ASAP2: variants seen among roughly 807,000 people sequenced by gnomAD.
The protein encoded by ASAP2 is arf-GAP with SH3 domain, ANK repeat and PH domain-containing protein 2.
ASAP2 carries 45 observed loss-of-function variants against 131.4 expected under a neutral mutation model. That is an observed-to-expected ratio of 0.34 (90% CI 0.27 to 0.44). ASAP2 has a LOEUF of 0.44. ASAP2 is among the 20% of genes least tolerant of loss of function. The pLI is 1.00. For missense variants in ASAP2, 1,011 were observed against 1,297.0 expected, an observed-to-expected ratio of 0.78 and a Z score of 3.39; for synonymous variants, 510 against 503.0, an observed-to-expected ratio of 1.01 and a Z score of -0.19.
At chr2:9,251,896 T>A (rs985589554) in intron 1 of ASAP2, among the ~76,000 whole-genome samples, 16 of 151,606 alleles carry the variant, frequency 1.1e-4, no homozygotes, top group Admixed American at 9.2e-4. Flanking sequence ...GCTTTAGGAA[T>A]GAGAAGCCTG....
In ASAP2 at chr2:9,297,460, G is replaced by T; in HGVS notation, c.345+15G>T. On this transcript the variant is annotated intron_variant, in intron 3 of 27. Transcript: ENST00000281419. ...TCAAAAACCTGGTAAGCAGCTCTGTGTATGAAATGCTGCGGTTACTTCAGT... is the reference window on the plus strand; with the variant it reads ...TCAAAAACCTGGTAAGCAGCTCTGTTTATGAAATGCTGCGGTTACTTCAGT... The T allele has an allele frequency of 6.2e-7, 1 of 1,613,636 alleles. No individual in the cohort carries two copies. Among genetic ancestry groups the T allele is most frequent in the Non-Finnish European group, 8.5e-7 (1 of 1,179,544 alleles).
At chr2:9,209,720 C>T (rs1661396886) in intron 1 of ASAP2, among the ~76,000 whole-genome samples, 1 of 152,190 alleles carries the variant, frequency 6.6e-6, no homozygotes, top group African/African-American at 2.4e-5. Context: ...CAGGCATGCG[C>T]CACCATGCAC....
At chr2:9,322,929 T>G (rs1248076523) in intron 5 of ASAP2, among the ~76,000 whole-genome samples, 192 bp from the exon 6 acceptor site, 1 of 151,732 alleles carries the variant, frequency 6.6e-6, no homozygotes, top group Non-Finnish European at 1.5e-5. Flanking sequence ...ACTTGTTGAG[T>G]AAGTGGGAAG....
In ASAP2 at chr2:9,357,176, T is replaced by TAA. The variant is rs563300721; in HGVS notation, c.1327+843_1327+844dup. Among the ~76,000 whole-genome samples, 73 of 142,242 alleles carry TAA rather than the reference T, an allele frequency of 5.1e-4. 1 individual carries two copies. Among genetic ancestry groups the TAA allele is most frequent in the Middle Eastern group, 3.5e-3 (1 of 284 alleles). 93.3% of individuals were successfully genotyped at this position (142,242 alleles called of 152,430 possible). ...AGACTGTATTTGGCCTTGGATCCATTAAAAAAAAAAAAAGAATACCGACTG... is the reference window on the plus strand; with the variant it reads ...AGACTGTATTTGGCCTTGGATCCATTAAAAAAAAAAAAAAAGAATACCGACTG... On this transcript the variant is annotated intron_variant, in intron 14 of 27. Transcript: ENST00000281419.
At chr2:9,290,029 G>A (rs1194190810) in intron 2 of ASAP2, among the ~76,000 whole-genome samples, 1 of 152,136 alleles carries the variant, frequency 6.6e-6, no homozygotes, top group Non-Finnish European at 1.5e-5. Flanking sequence ...CTGCACGGGA[G>A]CTCTCAGGGG....
chr2:9,347,679 C>T (rs568201804), intron 11 of ASAP2, among the ~76,000 whole-genome samples: 2 of 152,244 alleles, frequency 1.3e-5, no homozygotes, highest in East Asian at 3.9e-4. Context: ...CCTTCTTAGC[C>T]AAGTCTGTTT....
intron 18 of ASAP2, among the ~76,000 whole-genome samples, chr2:9,378,693 T>C (rs1296138802): frequency 1.3e-5 from 2 of 152,198 alleles, no homozygotes; most frequent in Admixed American, 1.3e-4. Flanking sequence ...ACAACAGGGA[T>C]GCCCCCCTCC....
intron 1 of ASAP2, among the ~76,000 whole-genome samples, chr2:9,210,938 T>C (rs1230393209): frequency 2.0e-5 from 3 of 151,898 alleles, no homozygotes; most frequent in African/African-American, 7.2e-5. Context: ...GGCAGATCAC[T>C]TGGGGTCAGG....
chr2:9,398,148 T>C (rs1386727045), intron 24 of ASAP2, among the ~76,000 whole-genome samples: 1 of 152,006 alleles, frequency 6.6e-6, no homozygotes, highest in Non-Finnish European at 1.5e-5. Flanking sequence ...CACCTGTTTT[T>C]TTATGTAGTC....
chr2:9,264,453 A>G (rs1665803618), intron 1 of ASAP2, among the ~76,000 whole-genome samples: 1 of 152,088 alleles, frequency 6.6e-6, no homozygotes, highest in South Asian at 2.1e-4. Flanking sequence ...ATGAGTCCCC[A>G]GCTCTGACGG....
chr2:9,382,457 C>T (rs1448228554), intron 20 of ASAP2, among the ~76,000 whole-genome samples: 4 of 152,158 alleles, frequency 2.6e-5, no homozygotes, highest in Non-Finnish European at 4.4e-5. Context: ...TAGTGTGTAA[C>T]GAATTAACTT....
chr2:9,313,770 C>A (rs972438042), intron 3 of ASAP2, among the ~76,000 whole-genome samples: 1 of 152,106 alleles, frequency 6.6e-6, no homozygotes, highest in African/African-American at 2.4e-5. Context: ...GGGACAGTTA[C>A]CCTTCCTTCT....
intron 1 of ASAP2, among the ~76,000 whole-genome samples, chr2:9,252,951 G>C (rs1419822183): frequency 6.6e-6 from 1 of 150,818 alleles, no homozygotes; most frequent in African/African-American, 2.4e-5. Flanking sequence ...AACACAAGCA[G>C]ATAGTGCGTG....
rs574123363 is a variant in ASAP2, at chr2:9,267,342, TATGTC to T, written c.127-11971_127-11967del. On this transcript the variant is annotated intron_variant, in intron 1 of 27. Transcript: ENST00000281419. ...CCCCAGTTTCTATTGTTTGTTTCTT[TATGTC>T]ATGAGTACTCAACATTTAGCTCCCA... is the stretch of plus-strand genomic sequence containing the variant. Among the ~76,000 whole-genome samples, 677 of 152,268 alleles carry T rather than the reference TATGTC, an allele frequency of 4.4e-3. 3 individuals carry two copies. Among genetic ancestry groups the T allele is most frequent in the Non-Finnish European group, 5.3e-3 (360 of 68,024 alleles).
Position 9,389,045 on chromosome 2 carries a change from G to C in ASAP2, c.2383+499G>C, listed in dbSNP as rs1225740805. ...AATTGTAAAATACAAAACCAGCCCT[G>C]TGGGCCTACCAGTGTCTTAGGGCAA... On this transcript the variant is annotated intron_variant, in intron 22 of 27. Coordinates refer to ENST00000281419, the MANE Select transcript of ASAP2 (RefSeq NM_003887.3). This position sits in a 1 kb window ranked among gnomAD's most constrained non-coding sequence, Gnocchi z 4.7. Among the ~76,000 whole-genome samples the C allele has an allele frequency of 6.6e-6, 1 of 152,228 alleles. No individual in the cohort carries two copies. The highest frequency in any genetic ancestry group is 1.5e-5 in the Non-Finnish European group (1 of 68,042).
At chr2:9,393,856 A>T (rs1675914979) in intron 24 of ASAP2, among the ~76,000 whole-genome samples, 1 of 152,258 alleles carries the variant, frequency 6.6e-6, no homozygotes, top group Non-Finnish European at 1.5e-5. Flanking sequence ...TTAAGTCCAC[A>T]GAATGAATTC....
chr2:9,374,213 A>G (rs891405249), intron 16 of ASAP2, among the ~76,000 whole-genome samples: 8 of 152,180 alleles, frequency 5.3e-5, no homozygotes, highest in African/African-American at 1.9e-4. Flanking sequence ...CTGCCATTTC[A>G]TTTCAGTTCA....
intron 1 of ASAP2, among the ~76,000 whole-genome samples, chr2:9,258,956 C>T (rs566499079): frequency 2.0e-4 from 30 of 152,310 alleles, no homozygotes; most frequent in Non-Finnish European, 4.0e-4. Flanking sequence ...TGATATTCCT[C>T]GGATTGCAGC....
chr2:9,302,122 C>CTCT (rs1668524373), intron 3 of ASAP2, among the ~76,000 whole-genome samples: 1 of 103,398 alleles, frequency 9.7e-6, no homozygotes, highest in Admixed American at 1.1e-4. Context: ...CGCGCCCGGC[C>CTCT]TTTTTTTTTT....
Sources: allele counts gnomAD v4.1 joint callset (sites outside exome capture counted in the v4.1 genomes callset), GRCh38; gene constraint gnomAD v4.1.1; non-coding constraint Gnocchi (gnomAD v3.1); transcripts MANE v1.5; gene names NCBI Gene and HGNC (gene_info 2026-07-23, HGNC 2026-07-21).